ROBO2: variants seen among roughly 807,000 people sequenced by gnomAD.
The protein encoded by ROBO2 is roundabout guidance receptor 2.
Under a neutral mutation model 160.8 loss-of-function variants are expected in ROBO2, and 53 were observed. The ratio of observed to expected loss-of-function variants is 0.33; its 90% CI spans 0.26 to 0.41. The LOEUF (loss-of-function observed/expected upper bound fraction) is 0.41. Among genes scored for constraint, ROBO2 ranks in the 10% least tolerant of loss-of-function variants. The probability of loss-of-function intolerance (pLI) is 1.00; values close to 1 mark genes in which losing one functional copy is unlikely to be tolerated. For synonymous variants in ROBO2, 664 were observed against 611.7 expected, an observed-to-expected ratio of 1.09 and a Z score of -1.26; for missense variants, 1,577 against 1,722.4, an observed-to-expected ratio of 0.92 and a Z score of 1.49.
chr3:76,810,648 G>C (rs928149834), intron 2 of ROBO2, among the ~76,000 whole-genome samples: 2 of 152,038 alleles, frequency 1.3e-5, no homozygotes, highest in Non-Finnish European at 1.5e-5. Flanking sequence ...AATTTAAAAG[G>C]ATTCAAGACT....
At chr3:77,142,118 C>T (rs1354931245) in intron 2 of ROBO2, among the ~76,000 whole-genome samples, 1 of 152,146 alleles carries the variant, frequency 6.6e-6, no homozygotes, top group Non-Finnish European at 1.5e-5. Context: ...CTTCCACCCC[C>T]TTTCTCATAT....
At chr3:76,573,157 A>C (rs777393776) in intron 2 of ROBO2, among the ~76,000 whole-genome samples, 23 of 152,090 alleles carry the variant, frequency 1.5e-4, no homozygotes, top group Non-Finnish European at 2.8e-4. Context: ...AAGGGCATGG[A>C]TTTGAGGTCA....
chr3:76,075,266 G>T (rs2068608469), intron 2 of ROBO2, among the ~76,000 whole-genome samples: 1 of 151,762 alleles, frequency 6.6e-6, no homozygotes, highest in African/African-American at 2.4e-5. Context: ...GAGTGGCCAG[G>T]GGAGGATGAA....
At chr3:77,290,171 CA>C (rs2061019802) in intron 2 of ROBO2, among the ~76,000 whole-genome samples, 1 of 133,122 alleles carries the variant, frequency 7.5e-6, no homozygotes, top group Non-Finnish European at 1.6e-5. Context: ...CTAGATCACC[CA>C]AGACACAAAG....
chr3:76,050,516 A>G (rs1028364994), intron 2 of ROBO2, among the ~76,000 whole-genome samples: 3 of 152,152 alleles, frequency 2.0e-5, no homozygotes, highest in African/African-American at 4.8e-5. Context: ...CCTTTCATGT[A>G]TACATCTATC....
At chr3:76,928,399 G>GTA (rs957390337) in intron 2 of ROBO2, among the ~76,000 whole-genome samples, 3 of 151,546 alleles carry the variant, frequency 2.0e-5, no homozygotes, top group Non-Finnish European at 2.9e-5. Context: ...ATATATGTAT[G>GTA]TATATATACA....
At chr3:76,163,854 T>A (rs2072731263) in intron 2 of ROBO2, among the ~76,000 whole-genome samples, 1 of 152,086 alleles carries the variant, frequency 6.6e-6, no homozygotes. Flanking sequence ...AGCTGACTGA[T>A]CAGGGTAGTA....
chr3:76,322,316 ACT>A (rs2072631577), intron 2 of ROBO2, among the ~76,000 whole-genome samples: 1 of 151,344 alleles, frequency 6.6e-6, no homozygotes, highest in Non-Finnish European at 1.5e-5. Flanking sequence ...ACTACATTTC[ACT>A]GTGTGTAAAA....
intron 2 of ROBO2, among the ~76,000 whole-genome samples, chr3:76,251,212 A>G (rs1350045529): frequency 6.6e-6 from 1 of 152,028 alleles, no homozygotes; most frequent in Admixed American, 6.6e-5. Context: ...TGCAAGAGTT[A>G]TTAACTGGAC....
intron 2 of ROBO2, among the ~76,000 whole-genome samples, chr3:76,855,470 G>C (rs967390599): frequency 6.6e-6 from 1 of 152,162 alleles, no homozygotes; most frequent in Non-Finnish European, 1.5e-5. Context: ...TGCAATCTGC[G>C]TGTATAAAAC....
At chr3:77,312,945 A>G (rs1233860531) in intron 2 of ROBO2, among the ~76,000 whole-genome samples, 1 of 152,214 alleles carries the variant, frequency 6.6e-6, no homozygotes, top group East Asian at 1.9e-4. Flanking sequence ...GTTGGCTTTT[A>G]GACTCATGCT....
At chr3:76,303,406 A>G (rs2071171858) in intron 2 of ROBO2, among the ~76,000 whole-genome samples, 1 of 152,098 alleles carries the variant, frequency 6.6e-6, no homozygotes, top group Non-Finnish European at 1.5e-5. Context: ...CAAACCCAGA[A>G]CGCATAAACT....
Position 77,294,357 on chromosome 3 carries a change from G to C in ROBO2, c.389-183057G>C, listed in dbSNP as rs139512999. Reference sequence around the variant, plus strand: ...ATCACCAAAGACATAAAGTAAAATTGATGGTTAAACGGGTAAGCTGAGGCT... The same window carrying C: ...ATCACCAAAGACATAAAGTAAAATTCATGGTTAAACGGGTAAGCTGAGGCT... On this transcript the variant is annotated intron_variant, in intron 2 of 25. Transcript: ENST00000461745. Among the ~76,000 whole-genome samples, 708 of 139,186 alleles carry C rather than the reference G, an allele frequency of 5.1e-3. 85 individuals carry two copies. The highest frequency in any genetic ancestry group is 0.021 in the African/African-American group (672 of 32,752). 91.3% of individuals were successfully genotyped at this position (139,186 alleles called of 152,430 possible).
chr3:77,507,503 C>G (rs1005042882), intron 5 of ROBO2, among the ~76,000 whole-genome samples: 1 of 152,164 alleles, frequency 6.6e-6, no homozygotes, highest in Non-Finnish European at 1.5e-5. Context: ...TGGGCTCTGC[C>G]TATCTAAAAA....
At chr3:76,112,240 CTA>C (rs2070265880) in intron 2 of ROBO2, among the ~76,000 whole-genome samples, 2 of 151,944 alleles carry the variant, frequency 1.3e-5, no homozygotes, top group Admixed American at 6.6e-5. Flanking sequence ...AATGTTTTGA[CTA>C]TTCTATATCT....
intron 5 of ROBO2, among the ~76,000 whole-genome samples, chr3:77,498,836 C>A (rs1273019294): frequency 6.6e-6 from 1 of 152,068 alleles, no homozygotes; most frequent in African/African-American, 2.4e-5. Context: ...GATAAATAAC[C>A]ACACTGATTA....
At chr3:76,444,809 A>G (rs2077089738) in intron 2 of ROBO2, among the ~76,000 whole-genome samples, 1 of 152,186 alleles carries the variant, frequency 6.6e-6, no homozygotes, top group Admixed American at 6.5e-5. Context: ...TAATAATCCT[A>G]TAGTTGTTTT....
chr3:77,384,017 C>A (rs961049517), intron 2 of ROBO2, among the ~76,000 whole-genome samples: 3 of 152,048 alleles, frequency 2.0e-5, no homozygotes, highest in Non-Finnish European at 4.4e-5. Context: ...TACTAATTGA[C>A]AAATGTAAAA....
chr3:77,205,681 T>G (rs2083367545), intron 2 of ROBO2, among the ~76,000 whole-genome samples: 1 of 152,150 alleles, frequency 6.6e-6, no homozygotes, highest in Non-Finnish European at 1.5e-5. Flanking sequence ...ACATGTAGTC[T>G]TAAACCAGCT....
Sources: gnomAD v4.1 joint callset for allele counts (sites outside exome capture counted in the v4.1 genomes callset) on GRCh38, gnomAD v4.1.1 for gene constraint, MANE v1.5 for transcripts, NCBI Gene and HGNC (gene_info 2026-07-23, HGNC 2026-07-21) for gene names.